The following ATP10D variants were observed in gnomAD, a reference collection of about 807,000 sequenced individuals.
ATP10D encodes ATPase phospholipid transporting 10D (putative).
A neutral mutation model predicts 144.8 loss-of-function variants in ATP10D; 89 were observed. The ratio of observed to expected loss-of-function variants is 0.61; its 90% confidence interval spans 0.52 to 0.73. ATP10D has a LOEUF of 0.73. ATP10D is among the 30% of genes least tolerant of loss of function. The pLI, the probability that ATP10D is intolerant of heterozygous loss-of-function variation, is 0.00. For missense variants in ATP10D, 1,603 were observed against 1,714.8 expected (o/e 0.93, Z 1.15); for synonymous variants, 571 against 615.1 (o/e 0.93, Z 1.06).
rs1720543082 is a variant in ATP10D, at chr4:47,581,978, A to G, written c.3667A>G (p.Thr1223Ala). The change falls in exon 21 of 23, where the codon ACT (threonine) becomes GCT (alanine). Residue 1223 changes from threonine to alanine, a missense_variant. By Grantham distance (58) the Thr-to-Ala change is moderately conservative (BLOSUM62 0). Coordinates refer to ENST00000273859, the MANE Select transcript of ATP10D (RefSeq NM_020453.4). ...TTTGTAGACCTACCAGGGCTCAGAT[A>G]CTGACATCTTTGCATTTGGAAACCC... is the stretch of plus-strand genomic sequence containing the variant. Reference protein sequence around the residue: ...VPYFTYQGSDTDIFAFGNPLN... With the variant: ...VPYFTYQGSDADIFAFGNPLN... 1 of 1,613,934 alleles carries G rather than the reference A, an allele frequency of 6.2e-7. No individual in the cohort carries two copies. Among genetic ancestry groups the G allele is most frequent in the African/African-American group, 1.3e-5 (1 of 75,042 alleles).
In ATP10D at chr4:47,525,654, A is replaced by G. The variant is rs28674698; in HGVS notation, c.776+12A>G. On this transcript the variant is annotated intron_variant, in intron 5 of 22. Coordinates refer to ENST00000273859, the MANE Select transcript of ATP10D (RefSeq NM_020453.4). ...TTCCGAGGCTTCCTGTGAGTAATAC[A>G]TGATGAACATTTGTGGGTGTAAGTG... 4.4e-3 allele frequency: 7,048 copies of G among 1,587,496 alleles called. 272 individuals carry two copies. The African/African-American group carries it at 0.083, about 19-fold the overall frequency.
intron 3 of ATP10D, among the ~76,000 whole-genome samples, chr4:47,515,967 C>T (rs944633708): frequency 2.6e-5 from 4 of 152,112 alleles, no homozygotes; most frequent in African/African-American, 7.2e-5. Context: ...TGGTGGCTCA[C>T]GCCTGTAATC....
At position 47,573,060 on chromosome 4, in the gene ATP10D, G is replaced by A. The variant is rs1296429502; in HGVS notation, c.3366+63G>A. On this transcript the variant is annotated intron_variant, in intron 18 of 22. Transcript: ENST00000273859. ...TACCTTCCAAGACTGTTGCATCAGG[G>A]ATGAAGACGAAGTGTCCTATGCTAA... 2.5e-6 allele frequency: 4 copies of A among 1,572,458 alleles called. No individual in the cohort carries two copies. The African/African-American group carries it at 4.1e-5, about 16-fold the overall frequency.
intron 9 of ATP10D, among the ~76,000 whole-genome samples, chr4:47,541,211 A>G (rs1718117270): frequency 6.6e-6 from 1 of 152,208 alleles, no homozygotes; most frequent in Non-Finnish European, 1.5e-5. Flanking sequence ...CTATAAATAT[A>G]GCTGTTGTTA....
intron 1 of ATP10D, among the ~76,000 whole-genome samples, chr4:47,507,064 T>C (rs1235014598): frequency 6.6e-6 from 1 of 152,108 alleles, no homozygotes; most frequent in Admixed American, 6.5e-5. Context: ...TAAAGCAGAG[T>C]GTGACCAGGT....
At chr4:47,553,419 G>A (rs966209053) in intron 10 of ATP10D, among the ~76,000 whole-genome samples, 2 of 152,184 alleles carry the variant, frequency 1.3e-5, no homozygotes, top group African/African-American at 4.8e-5. Flanking sequence ...TAGAAACTTA[G>A]CAATGCTTTT....
intron 1 of ATP10D, among the ~76,000 whole-genome samples, chr4:47,493,877 G>A (rs1023468061): frequency 2.6e-5 from 4 of 152,162 alleles, no homozygotes; most frequent in African/African-American, 9.7e-5. Context: ...TAAAGCTGGA[G>A]ACCACAGGCT....
chr4:47,507,392 T>G (rs1217347535), intron 1 of ATP10D, among the ~76,000 whole-genome samples: 1 of 152,206 alleles, frequency 6.6e-6, no homozygotes, highest in African/African-American at 2.4e-5. Context: ...TATCACTCTA[T>G]GCTGCTTACA....
chr4:47,557,927 G>C lies in ATP10D; in HGVS notation c.2088G>C (p.Glu696Asp), dbSNP rs1173935058. Residue 696 changes from glutamate to aspartate, a missense_variant, in exon 12 of 23, where the codon GAG becomes GAC. Physicochemically the swap from Glu to Asp is conservative, Grantham distance 45. Coordinates refer to ENST00000273859, the MANE Select transcript of ATP10D (RefSeq NM_020453.4). The stretch of plus-strand genomic sequence containing the variant: ...GCTCAGCTTGCTGCACAGAAACAGA[G>C]AAACAACACGGTGATGCAGGCCTCC... ...SSSSACCTET[E>D]KQHGDAGLLN... 1.9e-6 allele frequency: 3 copies of C among 1,614,214 alleles called. No individual in the cohort carries two copies. Among genetic ancestry groups the C allele is most frequent in the African/African-American group, 1.3e-5 (1 of 75,060 alleles).
At chr4:47,492,426 G>A (rs1374775498) in intron 1 of ATP10D, among the ~76,000 whole-genome samples, 1 of 152,090 alleles carries the variant, frequency 6.6e-6, no homozygotes, top group African/African-American at 2.4e-5. Context: ...TATTGGGATC[G>A]GGTATTTATC....
chr4:47,572,633 A>G (rs543801096), intron 17 of ATP10D, among the ~76,000 whole-genome samples: 1 of 119,262 alleles, frequency 8.4e-6, no homozygotes, highest in East Asian at 2.4e-4. Context: ...GGAGTGTCCT[A>G]TTTGTGCGCA....
chr4:47,488,612 CAAAAAAAAAAAA>C (rs56859197), intron 1 of ATP10D, among the ~76,000 whole-genome samples: 1 of 91,318 alleles, frequency 1.1e-5, no homozygotes, highest in African/African-American at 3.8e-5. Flanking sequence ...ATATAATAAG[CAAAAAAAAAAAA>C]AAAAAAAAAA....
At chr4:47,500,946 A>C (rs1293644060) in intron 1 of ATP10D, among the ~76,000 whole-genome samples, 1 of 152,232 alleles carries the variant, frequency 6.6e-6, no homozygotes, top group African/African-American at 2.4e-5. Flanking sequence ...TGAATGGCCA[A>C]CTTAAGAGTT....
chr4:47,493,503 T>C (rs1427380892), intron 1 of ATP10D, among the ~76,000 whole-genome samples: 1 of 152,248 alleles, frequency 6.6e-6, no homozygotes, highest in Admixed American at 6.5e-5. Context: ...CTAATATAAG[T>C]GTTCTGAGCA....
intron 1 of ATP10D, among the ~76,000 whole-genome samples, chr4:47,492,930 C>T (rs1329639951): frequency 6.6e-6 from 1 of 152,116 alleles, no homozygotes; most frequent in Non-Finnish European, 1.5e-5. Flanking sequence ...ATAGCTTGAG[C>T]TAATAATCTG....
At chr4:47,576,636 A>G (rs1170196464) in intron 18 of ATP10D, 137 bp from the exon 19 acceptor site, 5 of 756,726 alleles carry the variant, frequency 6.6e-6, no homozygotes, top group Non-Finnish European at 1.1e-5. Flanking sequence ...GCTGCAAGGT[A>G]AATTGTGGTC....
At position 47,515,459 on chromosome 4, in the gene ATP10D, G is replaced by A; in HGVS notation, c.291-17G>A. 6.3e-7 allele frequency: 1 copy of A among 1,599,620 alleles called. No individual in the cohort carries two copies. The highest frequency in any genetic ancestry group is 1.1e-5 in the South Asian group (1 of 89,558). On this transcript the variant is annotated splice_polypyrimidine_tract_variant and intron_variant, in intron 2 of 22. Transcript: ENST00000273859. ...AAGTAACTTCTTAACACCTCCCTTT[G>A]TGTGTTTGGGTTGCAGAGCTGCCAA...
intron 9 of ATP10D, 57 bp downstream of exon 9, chr4:47,536,995 C>T: frequency 1.3e-6 from 2 of 1,534,878 alleles, no homozygotes; most frequent in Non-Finnish European, 1.7e-6. Context: ...TTTGAAACCA[C>T]TTAAGTGTTG....
Position 47,546,689 on chromosome 4 carries a change from GGTT to G in ATP10D, c.1463_1465del (p.Gly488_Ser489delinsAla). On this transcript the variant is annotated inframe_deletion, in exon 10 of 23. Coordinates refer to ENST00000273859, the MANE Select transcript of ATP10D (RefSeq NM_020453.4). Reference sequence around the variant, plus strand: ...TGAAGATTTTATAGACACAGTCAGTGGTTCCCTCAGCAATATGGCAAAACCGAG... The same window carrying G: ...TGAAGATTTTATAGACACAGTCAGTGCCCTCAGCAATATGGCAAAACCGAG... 1.9e-6 allele frequency: 3 copies of G among 1,614,078 alleles called. No individual in the cohort carries two copies. Among genetic ancestry groups the G allele is most frequent in the Non-Finnish European group, 2.5e-6 (3 of 1,179,974 alleles).
Sources: gnomAD v4.1 joint callset for allele counts (sites outside exome capture counted in the v4.1 genomes callset) on GRCh38, gnomAD v4.1.1 for gene constraint, MANE v1.5 for transcripts, NCBI Gene and HGNC (gene_info 2026-07-23, HGNC 2026-07-21) for gene names.